The following RBM20 variants were observed in gnomAD, a reference collection of about 807,000 sequenced individuals.
RBM20 encodes RNA-binding protein 20.
A neutral mutation model predicts 110.1 loss-of-function variants in RBM20; 51 were observed. That is an observed-to-expected ratio of 0.46 (90% CI 0.37 to 0.59). RBM20 has a LOEUF of 0.59. Among genes scored for constraint, RBM20 ranks in the 20% least tolerant of loss-of-function variants. The pLI is 0.00. For synonymous variants in RBM20, 589 were observed against 618.2 expected (o/e 0.95, Z 0.70); for missense variants, 1,512 against 1,574.9 (o/e 0.96, Z 0.68).
At chr10:110,830,594 CT>C (rs5787874) in intron 12 of RBM20, among the ~76,000 whole-genome samples, 3 of 151,742 alleles carry the variant, frequency 2.0e-5, no homozygotes, top group Admixed American at 6.6e-5. Flanking sequence ...CTTTTATTTA[CT>C]TTTTTTTCTG....
intron 1 of RBM20, among the ~76,000 whole-genome samples, chr10:110,678,854 A>G (rs17755874): frequency 0.077 from 11,754 of 152,264 alleles, 645 homozygotes; most frequent in Non-Finnish European, 0.11. Context: ...TGAAAGTTCA[A>G]GCTCAGCAAT....
chr10:110,738,678 G>A (rs71481106), intron 1 of RBM20, among the ~76,000 whole-genome samples: 17,698 of 152,118 alleles, frequency 0.12, 1,274 homozygotes, highest in East Asian at 0.17. Flanking sequence ...GCTGAGATTG[G>A]AGGGATGAGG....
At chr10:110,733,338 G>A (rs1301652360) in intron 1 of RBM20, among the ~76,000 whole-genome samples, 1 of 152,222 alleles carries the variant, frequency 6.6e-6, no homozygotes, top group Non-Finnish European at 1.5e-5. Context: ...CCTGGCGGGG[G>A]ATGTGTAATG....
intron 5 of RBM20, among the ~76,000 whole-genome samples, chr10:110,794,465 G>A (rs191151976): frequency 2.2e-4 from 33 of 152,332 alleles, no homozygotes; most frequent in Non-Finnish European, 4.3e-4. Context: ...TTCATTTCAT[G>A]GCTCACTTAG....
chr10:110,757,106 C>A (rs1326441561), intron 1 of RBM20, among the ~76,000 whole-genome samples: 2 of 152,204 alleles, frequency 1.3e-5, no homozygotes, highest in Non-Finnish European at 2.9e-5. Flanking sequence ...AGCTTCCAGT[C>A]CCCCAGCTTC....
At chr10:110,691,882 T>C (rs1862591123) in intron 1 of RBM20, among the ~76,000 whole-genome samples, 1 of 152,238 alleles carries the variant, frequency 6.6e-6, no homozygotes, top group Admixed American at 6.5e-5. Flanking sequence ...CCATATGTTT[T>C]CTTCTAAGAA....
chr10:110,777,936 G>A (rs1014593972), intron 1 of RBM20, among the ~76,000 whole-genome samples: 1 of 152,216 alleles, frequency 6.6e-6, no homozygotes, highest in Non-Finnish European at 1.5e-5. Flanking sequence ...GTGTGGCCAC[G>A]GTTTTGAGTT....
intron 1 of RBM20, among the ~76,000 whole-genome samples, chr10:110,645,812 TC>T (rs35215930): frequency 0.22 from 33,350 of 152,200 alleles, 4,599 homozygotes; most frequent in Middle Eastern, 0.34. Flanking sequence ...ATACTGAGTC[TC>T]CACTTGTGAC....
intron 1 of RBM20, among the ~76,000 whole-genome samples, chr10:110,679,865 T>C (rs1157603094): frequency 6.6e-6 from 1 of 152,178 alleles, no homozygotes; most frequent in Non-Finnish European, 1.5e-5. Flanking sequence ...AGCACACAGA[T>C]GGCCACAGCG....
chr10:110,812,385 G>GT lies in RBM20; in HGVS notation c.1988_1989insT (p.Ser665LeufsTer4). On this transcript the variant is annotated frameshift_variant, in exon 9 of 14. Coordinates refer to ENST00000369519, the MANE Select transcript of RBM20 (RefSeq NM_001134363.3). LOFTEE classifies it high-confidence loss of function. ...TGCAGCTCTTCCCACAGCCCTCCGG[G>GT]CCCCTCCCGGGCTGACTGGGGCAAT... The GT allele has an allele frequency of 6.4e-7, 1 of 1,551,644 alleles. No homozygotes were observed. Among genetic ancestry groups the GT allele is most frequent in the East Asian group, 2.4e-5 (1 of 40,908 alleles).
chr10:110,835,834 GC>G (rs1461818752), intron 13 of RBM20, 33 bp from the exon 14 acceptor site: 1 of 1,548,448 alleles, frequency 6.5e-7, no homozygotes, highest in East Asian at 2.4e-5. Flanking sequence ...CTACTAACAT[GC>G]CCCTTCCTCC....
intron 1 of RBM20, among the ~76,000 whole-genome samples, chr10:110,713,580 T>A (rs1207912031): frequency 6.6e-6 from 1 of 152,224 alleles, no homozygotes; most frequent in Non-Finnish European, 1.5e-5. Context: ...TTTTAGGGCA[T>A]TGCTGAGGAA....
At chr10:110,679,371 G>A (rs1224738697) in intron 1 of RBM20, among the ~76,000 whole-genome samples, 1 of 151,940 alleles carries the variant, frequency 6.6e-6, no homozygotes, top group Non-Finnish European at 1.5e-5. Context: ...CTATAGGCAC[G>A]AGCCACCATG....
intron 1 of RBM20, among the ~76,000 whole-genome samples, chr10:110,750,953 C>G (rs114254792): frequency 6.6e-6 from 1 of 151,764 alleles, no homozygotes; most frequent in African/African-American, 2.4e-5. Context: ...GCTTTACCTG[C>G]AGACCTGCTG....
chr10:110,667,901 T>TG (rs1312976932), intron 1 of RBM20, among the ~76,000 whole-genome samples: 6 of 151,988 alleles, frequency 3.9e-5, no homozygotes, highest in Non-Finnish European at 8.8e-5. Flanking sequence ...TGGGTGTGAG[T>TG]GAGTGGTGCA....
At chr10:110,668,335 C>T (rs1862209660) in intron 1 of RBM20, among the ~76,000 whole-genome samples, 1 of 152,162 alleles carries the variant, frequency 6.6e-6, no homozygotes, top group Non-Finnish European at 1.5e-5. Flanking sequence ...GCTTCACTTA[C>T]TTTGGAAGGT....
At chr10:110,791,803 A>G (rs1041082250) in intron 5 of RBM20, among the ~76,000 whole-genome samples, 40 of 152,190 alleles carry the variant, frequency 2.6e-4, no homozygotes, top group African/African-American at 8.2e-4. Context: ...AAAAAGGATG[A>G]TTGTCCCTTT....
At chr10:110,665,555 G>T (rs2134830833) in intron 1 of RBM20, among the ~76,000 whole-genome samples, 1 of 152,164 alleles carries the variant, frequency 6.6e-6, no homozygotes, top group South Asian at 2.1e-4. Flanking sequence ...AGATTAAAAA[G>T]GACTTAAAAT....
chr10:110,707,776 G>A (rs989078217), intron 1 of RBM20, among the ~76,000 whole-genome samples: 3 of 152,168 alleles, frequency 2.0e-5, no homozygotes, highest in Non-Finnish European at 4.4e-5. Context: ...TAGAAAGTGG[G>A]GATGGTTAAT....
Sources: allele counts gnomAD v4.1 joint callset (sites outside exome capture counted in the v4.1 genomes callset), GRCh38; gene constraint gnomAD v4.1.1; transcripts MANE v1.5; gene names NCBI Gene and HGNC (gene_info 2026-07-23, HGNC 2026-07-21).